The following FAIM2 variants were observed in gnomAD, a reference collection of about 807,000 sequenced individuals.
FAIM2 encodes Fas apoptotic inhibitory molecule 2, also known as protein lifeguard 2.
FAIM2 carries 27 observed loss-of-function variants against 47.4 expected under a neutral mutation model. The ratio of observed to expected loss-of-function variants is 0.57; its 90% CI spans 0.42 to 0.78. FAIM2 has a LOEUF of 0.78. FAIM2 is among the 30% of genes least tolerant of loss of function. The pLI is 0.00. For missense variants in FAIM2, 311 were observed against 389.4 expected, an observed-to-expected ratio of 0.80 and a Z score of 1.69; for synonymous variants, 156 against 159.3, an observed-to-expected ratio of 0.98 and a Z score of 0.16.
chr12:49,878,919 T>C (rs1946772402), intron 11 of FAIM2, among the ~76,000 whole-genome samples: 1 of 136,442 alleles, frequency 7.3e-6, no homozygotes, highest in Non-Finnish European at 1.6e-5. Flanking sequence ...TGTGAGTGCA[T>C]GTGTGTATAT....
chr12:49,881,098 ATCTTCCTATCCCAGC>A (rs762822731), intron 11 of FAIM2, among the ~76,000 whole-genome samples: 9 of 152,124 alleles, frequency 5.9e-5, no homozygotes, highest in Non-Finnish European at 8.8e-5. Context: ...CCTACTGAGC[ATCTTCCTATCCCAGC>A]TCTGCTCATC....
chr12:49,871,544 A>G lies in FAIM2; in HGVS notation c.802-891T>C, dbSNP rs188384025. Among the ~76,000 whole-genome samples, 114 of 152,318 alleles carry G rather than the reference A, an allele frequency of 7.5e-4. 2 individuals are homozygous for G. The Middle Eastern group carries it at 0.01, about 14-fold the overall frequency. On this transcript the variant is annotated intron_variant, in intron 11 of 11. Coordinates refer to ENST00000320634, the MANE Select transcript of FAIM2 (RefSeq NM_012306.4). ...CTAAAGAGCAGAACCCTTAAGTAGCATATGAAATTTGGCAGGCGTGGTGCG... is the reference window on the plus strand; with the variant it reads ...CTAAAGAGCAGAACCCTTAAGTAGCGTATGAAATTTGGCAGGCGTGGTGCG...
Position 49,889,429 on chromosome 12 carries a change from C to T in FAIM2, c.651+52G>A, listed in dbSNP as rs1946884021. ...CTGAGGCCCCCACCCCATCTGCCTT[C>T]CCCTGCTCAGCCTCAGGCCAGGGGT... On this transcript the variant is annotated intron_variant, in intron 9 of 11. Coordinates refer to ENST00000320634, the MANE Select transcript of FAIM2 (RefSeq NM_012306.4). The T allele has an allele frequency of 2.6e-6, 4 of 1,533,324 alleles. No individual in the cohort carries two copies. In the East Asian group the frequency reaches 6.7e-5, roughly 26 times the overall value. 95.0% of individuals were successfully genotyped at this position (1,533,324 alleles called of 1,614,324 possible).
intron 11 of FAIM2, among the ~76,000 whole-genome samples, chr12:49,884,968 C>T (rs1030763468): frequency 5.3e-5 from 8 of 151,662 alleles, no homozygotes; most frequent in Non-Finnish European, 1.0e-4. Context: ...AGTGAGACTC[C>T]GTCTCAAAAA....
At chr12:49,876,573 C>T (rs1349987346) in intron 11 of FAIM2, among the ~76,000 whole-genome samples, 1 of 151,308 alleles carries the variant, frequency 6.6e-6, no homozygotes, top group Non-Finnish European at 1.5e-5. Flanking sequence ...ACCATCCTGG[C>T]TAACATGGGG....
At chr12:49,889,332 C>T in intron 9 of FAIM2, 130 bp from the exon 10 acceptor site, 4 of 947,508 alleles carry the variant, frequency 4.2e-6, no homozygotes, top group Non-Finnish European at 6.7e-6. Flanking sequence ...TTCCCCTCCT[C>T]CCCCTCATCA....
intron 11 of FAIM2, among the ~76,000 whole-genome samples, chr12:49,880,305 CATGTGTGT>C (rs1182803126): frequency 7.3e-6 from 1 of 136,466 alleles, no homozygotes; most frequent in African/African-American, 2.9e-5. Context: ...TGTGTATGTG[CATGTGTGT>C]ATGTGTATGT....
chr12:49,878,499 T>C (rs1946762521), intron 11 of FAIM2, among the ~76,000 whole-genome samples: 1 of 89,440 alleles, frequency 1.1e-5, no homozygotes, highest in Non-Finnish European at 2.1e-5. Context: ...TGTATGTGCA[T>C]GTGTGTATAT....
intron 7 of FAIM2, 62 bp from the exon 8 acceptor site, chr12:49,890,216 C>A (rs930938977): frequency 6.6e-7 from 1 of 1,520,762 alleles, no homozygotes; most frequent in African/African-American, 1.4e-5. Flanking sequence ...CAGGCACCCT[C>A]GAGGTCCAGC....
intron 1 of FAIM2, chr12:49,902,373 C>CT (rs1946987239): frequency 6.6e-6 from 1 of 152,206 alleles, no homozygotes; most frequent in Non-Finnish European, 1.5e-5. Flanking sequence ...CCTAAAGGGC[C>CT]ACTGAGGAAG....
rs185815389 is a variant in FAIM2, at chr12:49,889,320, C to T, written c.652-118G>A. ...GTGCTTACCCCAAGAACCTGGCATT[C>T]CTTCCCCTCCTCCCCCTCATCAGGT... On this transcript the variant is annotated intron_variant, in intron 9 of 11. Transcript: ENST00000320634. The T allele has an allele frequency of 8.7e-3, 8,375 of 965,980 alleles. 64 individuals carry two copies. The highest frequency in any genetic ancestry group is 0.012 in the Non-Finnish European group (7,502 of 615,174). 59.8% of individuals were successfully genotyped at this position (965,980 alleles called of 1,614,324 possible).
Position 49,887,267 on chromosome 12 carries a change from C to T in FAIM2, c.801+119G>A, listed in dbSNP as rs145731262. ...AACGCAGCACCGAGCCTAGCCCTAC[C>T]CGCAGGTGCTCCCGAGGATCCAGGG... On this transcript the variant is annotated intron_variant, in intron 11 of 11. Coordinates refer to ENST00000320634, the MANE Select transcript of FAIM2 (RefSeq NM_012306.4). The T allele has an allele frequency of 8.2e-4, 734 of 896,894 alleles. 3 individuals are homozygous for T. The African/African-American group carries it at 0.011, about 14-fold the overall frequency. 55.6% of individuals were successfully genotyped at this position (896,894 alleles called of 1,614,324 possible).
intron 11 of FAIM2, among the ~76,000 whole-genome samples, chr12:49,884,876 A>T (rs1202145382): frequency 6.6e-6 from 1 of 152,200 alleles, no homozygotes; most frequent in Non-Finnish European, 1.5e-5. Flanking sequence ...TGGGAGACTG[A>T]GGCAGGAGAA....
intron 11 of FAIM2, among the ~76,000 whole-genome samples, chr12:49,875,851 C>G (rs1946733001): frequency 6.6e-6 from 1 of 152,072 alleles, no homozygotes. Context: ...TGGTGGGCAC[C>G]TGTAATCCCA....
chr12:49,879,174 G>A lies in FAIM2; in HGVS notation c.801+8212C>T, dbSNP rs1450500579. On this transcript the variant is annotated intron_variant, in intron 11 of 11. Coordinates refer to ENST00000320634, the MANE Select transcript of FAIM2 (RefSeq NM_012306.4). The stretch of plus-strand genomic sequence containing the variant: ...TGTGCATGTGTATGTGTGTGTGCAT[G>A]AGTGCATGTGTATGCATGTGTATGT... 7.3e-5 allele frequency among the ~76,000 whole-genome samples: 10 copies of A among 136,086 alleles called. 2 individuals are homozygous for A. The highest frequency in any genetic ancestry group is 2.8e-4 in the African/African-American group (10 of 36,062). The allele number at this position is 136,086 out of a possible 152,430, so 89.3% of individuals were successfully genotyped here. A position where few individuals can be genotyped will look rare whatever the true frequency, so the allele number is the denominator to read the frequency against.
chr12:49,866,947 G>A lies in FAIM2; in HGVS notation c.*3557C>T, dbSNP rs940929177. Reference sequence around the variant, plus strand: ...TATCTCCAGTCAGTCACAGACCCCAGGAAGGTGAGGTCAGGGAAGGGAACA... The same window carrying A: ...TATCTCCAGTCAGTCACAGACCCCAAGAAGGTGAGGTCAGGGAAGGGAACA... On this transcript the variant is annotated 3_prime_UTR_variant, in exon 12 of 12. Coordinates refer to ENST00000320634, the MANE Select transcript of FAIM2 (RefSeq NM_012306.4). 2.6e-5 allele frequency: 4 copies of A among 152,324 alleles called. No homozygotes were observed. The highest frequency in any genetic ancestry group is 4.4e-5 in the Non-Finnish European group (3 of 68,196). The allele number at this position is 152,324 out of a possible 1,614,324, so 9.4% of individuals were successfully genotyped here. A position where few individuals can be genotyped will look rare whatever the true frequency, so the allele number is the denominator to read the frequency against.
chr12:49,890,996 G>T, intron 6 of FAIM2, 68 bp downstream of exon 6: 1 of 1,510,366 alleles, frequency 6.6e-7, no homozygotes, highest in Non-Finnish European at 9.2e-7. Context: ...TGGCTGGCAG[G>T]GCTGGGGCCA....
intron 10 of FAIM2, 130 bp downstream of exon 10, chr12:49,888,977 G>C: frequency 1.4e-6 from 1 of 699,146 alleles, no homozygotes. Flanking sequence ...GCCAGGAGGG[G>C]CCGCACAGGA....
At chr12:49,873,830 G>C (rs836967) in intron 11 of FAIM2, among the ~76,000 whole-genome samples, 112,139 of 152,104 alleles carry the variant, frequency 0.74, 41,681 homozygotes, top group African/African-American at 0.8. Flanking sequence ...ACTGCCACCT[G>C]ATGCCTGTGA....
Sources: allele counts gnomAD v4.1 joint callset (sites outside exome capture counted in the v4.1 genomes callset), GRCh38; gene constraint gnomAD v4.1.1; transcripts MANE v1.5; gene names NCBI Gene and HGNC (gene_info 2026-07-23, HGNC 2026-07-21).